The following RMDN2 variants were observed in gnomAD, a reference collection of about 807,000 sequenced individuals.
The protein encoded by RMDN2 is regulator of microtubule dynamics 2, also known as regulator of microtubule dynamics protein 2.
Under a neutral mutation model 52.8 loss-of-function variants are expected in RMDN2, and 61 were observed. That is an observed-to-expected ratio of 1.16 (90% confidence interval 0.94 to 1.43). The LOEUF (loss-of-function observed/expected upper bound fraction) is 1.43. Ranked by LOEUF, RMDN2 falls within the 40% of genes most tolerant of loss-of-function variation. The pLI is 0.00. For missense variants in RMDN2, 592 were observed against 475.3 expected, an observed-to-expected ratio of 1.25 and a Z score of -2.28; for synonymous variants, 180 against 153.1, an observed-to-expected ratio of 1.18 and a Z score of -1.30.
chr2:37,950,069 T>G (rs1481955446), intron 2 of RMDN2: 1 of 172,790 alleles, frequency 5.8e-6, no homozygotes, highest in African/African-American at 2.4e-5. Flanking sequence ...CCCTTCTCAA[T>G]GTATCTTTAG....
intron 10 of RMDN2, among the ~76,000 whole-genome samples, chr2:38,038,809 C>T (rs1680762974): frequency 6.6e-6 from 1 of 152,058 alleles, no homozygotes; most frequent in African/African-American, 2.4e-5. Context: ...TTTGGGCTGG[C>T]CAGACCTGAT....
At chr2:37,939,713 C>G (rs919891693) in intron 2 of RMDN2, among the ~76,000 whole-genome samples, 1 of 152,206 alleles carries the variant, frequency 6.6e-6, no homozygotes, top group East Asian at 1.9e-4. Context: ...ATTGCAAACC[C>G]TGCTTTTTTT....
downstream of RMDN2, among the ~76,000 whole-genome samples, chr2:38,020,589 C>G (rs1449539656): frequency 6.6e-6 from 1 of 152,198 alleles, no homozygotes; most frequent in East Asian, 1.9e-4. Context: ...GTGGGCTTGG[C>G]GGGCCCCACA....
Position 38,039,083 on chromosome 2 carries a change from C to G in RMDN2, c.1714-27899C>G, listed in dbSNP as rs1048560936. Among the ~76,000 whole-genome samples, 8 of 83,066 alleles carry G rather than the reference C, an allele frequency of 9.6e-5. No individual in the cohort carries two copies. In the East Asian group the frequency reaches 3.0e-3, roughly 31 times the overall value. 54.5% of individuals were successfully genotyped at this position (83,066 alleles called of 152,430 possible). ...ACACACACACACACACACACACACA[C>G]ACACACACACAGAGAGAGAGATAAA... On this transcript the variant is annotated intron_variant, in intron 10 of 10. Coordinates refer to the RMDN2 transcript ENST00000234195.
rs796444840 is a variant in RMDN2 at position 37,997,585 on chromosome 2, C to G, written c.1044+71C>G. On this transcript the variant is annotated intron_variant, in intron 8 of 10. Coordinates refer to ENST00000354545, the MANE Select transcript of RMDN2 (RefSeq NM_001170791.3). ...CTGCACCAATCCCTGCTGCCGTTGT[C>G]AAGGAAATCTTTTCTCCATGTGGAG... 3 of 1,010,914 alleles carry G rather than the reference C, an allele frequency of 3.0e-6. No homozygotes were observed. The African/African-American group carries it at 4.8e-5, about 16-fold the overall frequency. 62.6% of individuals were successfully genotyped at this position (1,010,914 alleles called of 1,614,324 possible). A position where few individuals can be genotyped will look rare whatever the true frequency, so the allele number is the denominator to read the frequency against.
At chr2:37,972,225 T>C (rs1209338483) in intron 2 of RMDN2, among the ~76,000 whole-genome samples, 2 of 152,166 alleles carry the variant, frequency 1.3e-5, no homozygotes, top group Non-Finnish European at 2.9e-5. Flanking sequence ...TACTCTCCTA[T>C]TAATCAAAAT....
At chr2:38,002,863 AC>A (rs1676503723) in intron 8 of RMDN2, 1 of 152,044 alleles carries the variant, frequency 6.6e-6, no homozygotes, top group African/African-American at 2.4e-5. Flanking sequence ...CTTGTGTTCT[AC>A]CCCCCTCTAG....
intron 2 of RMDN2, among the ~76,000 whole-genome samples, chr2:37,957,702 G>C (rs1002445757): frequency 6.6e-6 from 1 of 152,122 alleles, no homozygotes; most frequent in Non-Finnish European, 1.5e-5. Flanking sequence ...TGGTGTTTTA[G>C]TCATGAAGTT....
At chr2:37,958,942 T>G (rs1369377133) in intron 2 of RMDN2, among the ~76,000 whole-genome samples, 1 of 151,132 alleles carries the variant, frequency 6.6e-6, no homozygotes, top group Non-Finnish European at 1.5e-5. Flanking sequence ...TCTGTTTATG[T>G]GATGGATTAC....
At chr2:38,052,249 A>C (rs912224934) in intron 10 of RMDN2, among the ~76,000 whole-genome samples, 1 of 152,112 alleles carries the variant, frequency 6.6e-6, no homozygotes, top group Admixed American at 6.5e-5. Context: ...TGGTCTTATA[A>C]TAATTTGCAT....
At chr2:37,996,640 A>G (rs1453294205) in intron 7 of RMDN2, among the ~76,000 whole-genome samples, 1 of 151,748 alleles carries the variant, frequency 6.6e-6, no homozygotes, top group East Asian at 1.9e-4. Flanking sequence ...CTACCAAGGA[A>G]TCTAGGTGAT....
chr2:37,938,375 G>A (rs1456854499), intron 2 of RMDN2, among the ~76,000 whole-genome samples: 1 of 152,134 alleles, frequency 6.6e-6, no homozygotes, highest in Non-Finnish European at 1.5e-5. Context: ...TTGTGTCTCT[G>A]CCAGGTTTTG....
At chr2:38,015,989 T>C (rs1169996393) in intron 10 of RMDN2, among the ~76,000 whole-genome samples, 2 of 152,192 alleles carry the variant, frequency 1.3e-5, no homozygotes, top group Non-Finnish European at 1.5e-5. Context: ...TGAGTTCTTA[T>C]AAGAGGGCAA....
chr2:37,921,395 C>G (rs1666028355), upstream of RMDN2, among the ~76,000 whole-genome samples: 1 of 152,180 alleles, frequency 6.6e-6, no homozygotes, highest in African/African-American at 2.4e-5. Flanking sequence ...CTACATCAGA[C>G]ATAGTATTAT....
intron 2 of RMDN2, chr2:37,951,465 C>CA: frequency 6.2e-7 from 1 of 1,611,850 alleles, no homozygotes; most frequent in Non-Finnish European, 8.5e-7. Context: ...TGTTGGATTT[C>CA]AAAAAAGAAA....
At chr2:38,029,758 G>C (rs975457668) in intron 10 of RMDN2, 1 of 152,110 alleles carries the variant, frequency 6.6e-6, no homozygotes, top group African/African-American at 2.4e-5. Flanking sequence ...AGCAGATCAG[G>C]CACAAGAGAT....
At chr2:37,922,885 C>T (rs896455358), upstream of RMDN2, among the ~76,000 whole-genome samples, 3 of 152,150 alleles carry the variant, frequency 2.0e-5, no homozygotes, top group Non-Finnish European at 4.4e-5. Flanking sequence ...TGTGGAGAGA[C>T]GATCAGTAGC....
intron 10 of RMDN2, among the ~76,000 whole-genome samples, chr2:38,039,534 C>G (rs189487259): frequency 4.6e-5 from 7 of 152,198 alleles, no homozygotes; most frequent in African/African-American, 1.4e-4. Flanking sequence ...GAACATTCAC[C>G]CTCGCCCTGA....
At chr2:38,006,725 G>A (rs1677145735) in intron 10 of RMDN2, among the ~76,000 whole-genome samples, 1 of 152,182 alleles carries the variant, frequency 6.6e-6, no homozygotes, top group South Asian at 2.1e-4. Flanking sequence ...GCCCTGGCCA[G>A]TACTTCCAAT....
Sources: allele counts gnomAD v4.1 joint callset (sites outside exome capture counted in the v4.1 genomes callset), GRCh38; gene constraint gnomAD v4.1.1; transcripts MANE v1.5; gene names NCBI Gene and HGNC (gene_info 2026-07-23, HGNC 2026-07-21).